The following IGF2R variants were observed in gnomAD, a reference collection of about 807,000 sequenced individuals.
The protein encoded by IGF2R is insulin like growth factor 2 receptor.
A neutral mutation model predicts 270.6 loss-of-function variants in IGF2R; 91 were observed. That is an observed-to-expected ratio of 0.34 (90% CI 0.28 to 0.40). The LOEUF is 0.40. Among genes scored for constraint, IGF2R ranks in the 10% least tolerant of loss-of-function variants. The probability of loss-of-function intolerance (pLI) is 1.00; values close to 1 mark genes in which losing one functional copy is unlikely to be tolerated. For synonymous variants in IGF2R, 1,316 were observed against 1,258.9 expected, an observed-to-expected ratio of 1.05 and a Z score of -0.96; for missense variants, 2,805 against 3,188.3, an observed-to-expected ratio of 0.88 and a Z score of 2.90.
At chr6:159,969,807 G>T (rs1356216428) in intron 1 of IGF2R, among the ~76,000 whole-genome samples, 2 of 152,214 alleles carry the variant, frequency 1.3e-5, no homozygotes, top group Non-Finnish European at 2.9e-5. Context: ...CGCCAGCGGG[G>T]CACCGGTGAG....
intron 44 of IGF2R, 86 bp downstream of exon 44, chr6:160,090,189 A>T: frequency 1.1e-6 from 1 of 942,432 alleles, no homozygotes. Context: ...CTTCAGTTGA[A>T]ATCTCGGACC....
intron 4 of IGF2R, among the ~76,000 whole-genome samples, chr6:160,021,246 A>ATG (rs1777426127): frequency 6.6e-6 from 1 of 152,012 alleles, no homozygotes; most frequent in Admixed American, 6.6e-5. Flanking sequence ...ATAAAACCAC[A>ATG]TGGAATACTA....
intron 39 of IGF2R, among the ~76,000 whole-genome samples, chr6:160,083,132 TAGG>T (rs1395383245): frequency 3.3e-5 from 5 of 152,170 alleles, no homozygotes; most frequent in African/African-American, 1.2e-4. Flanking sequence ...AGGAATGTAG[TAGG>T]AGAGCAGGGT....
At chr6:160,013,810 C>CA (rs11481286) in intron 4 of IGF2R, among the ~76,000 whole-genome samples, 1,709 of 152,260 alleles carry the variant, frequency 0.011, 16 homozygotes, top group Admixed American at 0.026. Flanking sequence ...GTAGTGCTGT[C>CA]ACTGTTAGCA....
chr6:160,051,232 A>G (rs1778189464), intron 19 of IGF2R, among the ~76,000 whole-genome samples: 1 of 152,210 alleles, frequency 6.6e-6, no homozygotes, highest in African/African-American at 2.4e-5. Flanking sequence ...GGGGCAGCAA[A>G]TGATTATTTG....
chr6:160,104,625 T>TG, intron 47 of IGF2R, 49 bp from the exon 48 acceptor site: 1 of 1,564,744 alleles, frequency 6.4e-7, no homozygotes, highest in South Asian at 1.2e-5. Flanking sequence ...TGGAGCAGAA[T>TG]GGGGTCTCTT....
chr6:160,068,463 C>T (rs566884316), intron 30 of IGF2R, 78 bp downstream of exon 30: 115 of 1,575,850 alleles, frequency 7.3e-5, no homozygotes, highest in African/African-American at 4.3e-4. Flanking sequence ...GGGGCCTCCT[C>T]GTGGGGTGGT....
At chr6:160,096,149 C>A in intron 44 of IGF2R, 1 of 273,116 alleles carries the variant, frequency 3.7e-6, no homozygotes, top group Non-Finnish European at 6.8e-6. Flanking sequence ...TGTTTTAATC[C>A]ACGGTTGTGC....
chr6:160,012,745 T>TTTTATATATATATA (rs1300346010), intron 4 of IGF2R, among the ~76,000 whole-genome samples: 3 of 105,336 alleles, frequency 2.8e-5, no homozygotes, highest in East Asian at 5.7e-4. Context: ...CCCGGCTAAT[T>TTTTATATATATATA]TATATATATA....
rs1441605075 is a variant in IGF2R, at chr6:160,102,801, T to C, written c.6995+130T>C. ...AGCAGCGAAGGCTCGAGGTTCTTAG[T>C]CCAAAACTCTCTGGAAGCAGTCCCC... On this transcript the variant is annotated intron_variant, in intron 46 of 47. Coordinates refer to ENST00000356956, the MANE Select transcript of IGF2R (RefSeq NM_000876.4). This position sits in a 1 kb window ranked among gnomAD's most constrained non-coding sequence, Gnocchi z 4.5. 3.7e-6 allele frequency: 4 copies of C among 1,078,478 alleles called. No individual in the cohort carries two copies. The Admixed American group carries it at 1.1e-4, about 31-fold the overall frequency. 66.8% of individuals were successfully genotyped at this position (1,078,478 alleles called of 1,614,324 possible).
chr6:160,071,497 C>T (rs535151331), intron 31 of IGF2R, among the ~76,000 whole-genome samples: 135 of 152,266 alleles, frequency 8.9e-4, no homozygotes, highest in African/African-American at 3.2e-3. Flanking sequence ...TGGGCTAGTT[C>T]TCTTGGTATA....
In IGF2R at chr6:160,058,893, G is replaced by A. The variant is rs376390707; in HGVS notation, c.2899-13G>A. 33 of 1,612,504 alleles carry A rather than the reference G, an allele frequency of 2.0e-5. 1 individual carries two copies. The highest frequency in any genetic ancestry group is 4.4e-5 in the South Asian group (4 of 91,038). On this transcript the variant is annotated splice_polypyrimidine_tract_variant and intron_variant, in intron 21 of 47. Transcript: ENST00000356956. ...TAAATTTGTTTGTATGGCTCTTACCGTCTGACCTGCAGTTTAATGTCTGCG... is the reference window on the plus strand; with the variant it reads ...TAAATTTGTTTGTATGGCTCTTACCATCTGACCTGCAGTTTAATGTCTGCG...
chr6:160,032,063 T>C (rs923237226), intron 7 of IGF2R, among the ~76,000 whole-genome samples: 1 of 152,012 alleles, frequency 6.6e-6, no homozygotes, highest in Non-Finnish European at 1.5e-5. Flanking sequence ...CCCAAAGGGG[T>C]TGTGGACCGT....
chr6:159,971,398 T>C (rs934208662), intron 1 of IGF2R, among the ~76,000 whole-genome samples: 2 of 152,102 alleles, frequency 1.3e-5, no homozygotes, highest in East Asian at 1.9e-4. Context: ...GCTGAAGAGG[T>C]TTCTGAGGTT....
At chr6:160,070,647 G>A (rs80012956) in intron 31 of IGF2R, among the ~76,000 whole-genome samples, 2 of 152,178 alleles carry the variant, frequency 1.3e-5, no homozygotes, top group East Asian at 1.9e-4. Flanking sequence ...AGCAGGTGTC[G>A]ACTGCATACA....
chr6:160,089,536 T>C (rs544185221), intron 43 of IGF2R, among the ~76,000 whole-genome samples: 3 of 152,226 alleles, frequency 2.0e-5, no homozygotes, highest in South Asian at 4.1e-4. Context: ...CCTTCTGACA[T>C]GTTTGAGCAG....
chr6:160,063,403 A>T lies in IGF2R; in HGVS notation c.3671-12A>T, dbSNP rs199666856. The T allele has an allele frequency of 6.2e-7, 1 of 1,603,424 alleles. No homozygotes were observed. The highest frequency in any genetic ancestry group is 8.5e-7 in the Non-Finnish European group (1 of 1,172,116). ...GTTGCAGTTGCCCTTCACTTCTTCCATGTTCTTGAAGGGGACAACTGTGAG... is the reference window on the plus strand; with the variant it reads ...GTTGCAGTTGCCCTTCACTTCTTCCTTGTTCTTGAAGGGGACAACTGTGAG... On this transcript the variant is annotated splice_polypyrimidine_tract_variant and intron_variant, in intron 26 of 47. Transcript: ENST00000356956.
intron 46 of IGF2R, 112 bp from the exon 47 acceptor site, chr6:160,103,634 C>G: frequency 1.4e-6 from 1 of 723,296 alleles, no homozygotes; most frequent in South Asian, 1.5e-5. Context: ...GGGAGAAATG[C>G]AGCCACCACC....
intron 39 of IGF2R, 23 bp downstream of exon 39, chr6:160,080,298 C>A (rs770183529): frequency 6.2e-7 from 1 of 1,608,306 alleles, no homozygotes; most frequent in Non-Finnish European, 8.5e-7. Context: ...GCTCCGCGTC[C>A]CCACATGGCC....
Sources: allele counts gnomAD v4.1 joint callset (sites outside exome capture counted in the v4.1 genomes callset), GRCh38; gene constraint gnomAD v4.1.1; non-coding constraint Gnocchi (gnomAD v3.1); transcripts MANE v1.5; gene names NCBI Gene and HGNC (gene_info 2026-07-23, HGNC 2026-07-21).